ALK: variants seen among roughly 807,000 people sequenced by gnomAD.
ALK encodes the protein ALK tyrosine kinase receptor.
Under a neutral mutation model 163.1 loss-of-function variants are expected in ALK, and 74 were observed. The observed-to-expected ratio is 0.45, with a 90% CI of 0.38 to 0.55. The LOEUF (loss-of-function observed/expected upper bound fraction) is 0.55, where lower values mean the gene tolerates loss of function less well. ALK is among the 20% of genes least tolerant of loss of function. ALK has a pLI of 0.00. For missense variants in ALK, 2,063 were observed against 2,105.3 expected, an observed-to-expected ratio of 0.98 and a Z score of 0.39; for synonymous variants, 960 against 843.2, an observed-to-expected ratio of 1.14 and a Z score of -2.40.
chr2:29,702,626 C>G (rs1431067474), intron 2 of ALK, among the ~76,000 whole-genome samples: 2 of 152,132 alleles, frequency 1.3e-5, no homozygotes, highest in African/African-American at 4.8e-5. Flanking sequence ...AAAGACATAC[C>G]AAGACTGGGT....
chr2:29,441,935 G>A (rs577625291), intron 4 of ALK, among the ~76,000 whole-genome samples: 26 of 152,198 alleles, frequency 1.7e-4, no homozygotes, highest in Non-Finnish European at 3.2e-4. Flanking sequence ...TTTCAGTTAT[G>A]TTGTCTTGTA....
intron 26 of ALK, among the ~76,000 whole-genome samples, chr2:29,200,534 C>G (rs181118083): frequency 3.3e-5 from 5 of 151,780 alleles, no homozygotes. Context: ...TACTAAAAAA[C>G]TATTTGCTGT....
intron 4 of ALK, among the ~76,000 whole-genome samples, chr2:29,397,536 A>G (rs1335587708): frequency 6.6e-6 from 1 of 152,236 alleles, no homozygotes; most frequent in Non-Finnish European, 1.5e-5. Context: ...CAGGTCGATC[A>G]TTCAAAACCA....
chr2:29,568,704 G>C (rs925685102), intron 3 of ALK, among the ~76,000 whole-genome samples: 10 of 152,070 alleles, frequency 6.6e-5, no homozygotes, highest in Admixed American at 5.2e-4. Flanking sequence ...GGTTCGGTTA[G>C]CAGAGGTGGT....
chr2:29,586,311 A>G (rs1674886510), intron 3 of ALK, among the ~76,000 whole-genome samples: 1 of 151,966 alleles, frequency 6.6e-6, no homozygotes, highest in Admixed American at 6.6e-5. Context: ...GTATTTATGG[A>G]AAATATGCTT....
chr2:29,293,651 T>C (rs1666099841), intron 9 of ALK, among the ~76,000 whole-genome samples: 2 of 152,122 alleles, frequency 1.3e-5, no homozygotes, highest in Non-Finnish European at 2.9e-5. Flanking sequence ...GAAGTAAGAA[T>C]GTAGCATGGT....
rs971311424 is a variant in ALK at position 29,225,583 on chromosome 2, C to G, written c.3068-18G>C. 1 of 1,599,374 alleles carries G rather than the reference C, an allele frequency of 6.3e-7. No homozygotes were observed. Among genetic ancestry groups the G allele is most frequent in the Non-Finnish European group, 8.5e-7 (1 of 1,172,312 alleles). On this transcript the variant is annotated intron_variant, in intron 18 of 28. Coordinates refer to ENST00000389048, the MANE Select transcript of ALK (RefSeq NM_004304.5). ...GGGTGACACTGGAAGACAGGTCCCACTGGGGTATTGACAACCACACCAGGT... is the reference window on the plus strand; with the variant it reads ...GGGTGACACTGGAAGACAGGTCCCAGTGGGGTATTGACAACCACACCAGGT...
chr2:29,669,506 G>C (rs1408360344), intron 3 of ALK, among the ~76,000 whole-genome samples: 1 of 152,082 alleles, frequency 6.6e-6, no homozygotes, highest in East Asian at 1.9e-4. Context: ...GTGAAGTGGG[G>C]TTCTTGAAGG....
intron 1 of ALK, among the ~76,000 whole-genome samples, chr2:29,845,906 G>T (rs1665829809): frequency 1.3e-5 from 2 of 152,208 alleles, no homozygotes; most frequent in African/African-American, 4.8e-5. Context: ...TCCAGTTCAT[G>T]CCAGGGTTCT....
At chr2:29,197,758 C>T (rs1332149033) in intron 26 of ALK, 82 bp from the exon 27 acceptor site, 2 of 1,206,842 alleles carry the variant, frequency 1.7e-6, no homozygotes, top group Non-Finnish European at 2.5e-6. Context: ...CACAGACATA[C>T]AATTTCAACC....
chr2:29,890,583 T>A (rs1667117264), intron 1 of ALK: 2 of 152,244 alleles, frequency 1.3e-5, no homozygotes, highest in South Asian at 4.1e-4. Flanking sequence ...AACATTGTCA[T>A]CTATTTGAAT....
intron 3 of ALK, among the ~76,000 whole-genome samples, chr2:29,602,542 G>C (rs1675408904): frequency 6.6e-6 from 1 of 152,132 alleles, no homozygotes; most frequent in African/African-American, 2.4e-5. Context: ...GATGTGTCTA[G>C]CATTACCTAA....
Position 29,228,985 on chromosome 2 carries a change from G to A in ALK, c.2714C>T (p.Ser905Phe). Residue 905 changes from serine to phenylalanine, a missense_variant, in exon 16 of 29, where the codon TCC (serine) becomes TTC (phenylalanine). Around this residue, in one of 5 missense-constraint regions of ALK, gnomAD observed 575 missense variants for 626.6 expected, o/e 0.92. Transcript: ENST00000389048. ...SLQEGATGGH[S>F]CPQAMKKWGW... ...CCACTTCTTCATGGCCTGGGGGCAG[G>A]AATGTCCTCCGGTGGCACCCTCCTG... 1 of 1,611,068 alleles carries A rather than the reference G, an allele frequency of 6.2e-7. No individual in the cohort carries two copies. The highest frequency in any genetic ancestry group is 8.5e-7 in the Non-Finnish European group (1 of 1,178,616).
intron 1 of ALK, among the ~76,000 whole-genome samples, chr2:29,743,461 T>C (rs1369793544): frequency 6.6e-6 from 1 of 152,070 alleles, no homozygotes; most frequent in Admixed American, 6.5e-5. Flanking sequence ...GCAACAGACT[T>C]CAAAAGAAAA....
At chr2:29,554,653 T>G (rs1317872459) in intron 3 of ALK, among the ~76,000 whole-genome samples, 2 of 152,206 alleles carry the variant, frequency 1.3e-5, no homozygotes, top group South Asian at 4.2e-4. Context: ...TTTGAATACC[T>G]GCTACTGTCA....
intron 4 of ALK, among the ~76,000 whole-genome samples, chr2:29,504,393 T>G (rs1401124413): frequency 6.6e-6 from 1 of 152,200 alleles, no homozygotes; most frequent in Non-Finnish European, 1.5e-5. Flanking sequence ...TAACTTGATC[T>G]ACATTTTTGA....
chr2:29,567,242 C>T (rs774256638), intron 3 of ALK, among the ~76,000 whole-genome samples: 66 of 152,134 alleles, frequency 4.3e-4, no homozygotes, highest in Non-Finnish European at 7.2e-4. Context: ...ATTCTTGCAG[C>T]ATTTAGGATT....
rs1365620880 is a variant in ALK at position 29,920,452 on chromosome 2, C to T, written c.208G>A (p.Asp70Asn). The T allele has an allele frequency of 1.2e-6, 2 of 1,611,170 alleles. No individual in the cohort carries two copies. Among genetic ancestry groups the T allele is most frequent in the East Asian group, 2.2e-5 (1 of 44,760 alleles). ...VPSLFRVYAR[D>N]LLLPPSSSEL... ...GAGGAGGATGGTGGCAGCAGTAGGT[C>T]CCGGGCGTAGACACGGAAGAGCGAG... Residue 70 changes from aspartate to asparagine, a missense_variant, in exon 1 of 29, where the codon GAC (aspartate) becomes AAC (asparagine). Around this residue, in one of 5 missense-constraint regions of ALK, gnomAD observed 987 missense variants for 939.5 expected, o/e 1.05. Transcript: ENST00000389048.
chr2:29,694,712 G>T, intron 3 of ALK, 138 bp downstream of exon 3: 1 of 1,168,988 alleles, frequency 8.6e-7, no homozygotes, highest in Non-Finnish European at 1.3e-6. Context: ...AAGAAGCCAT[G>T]GAAAGTCACA....
Sources: gnomAD v4.1 joint callset for allele counts (sites outside exome capture counted in the v4.1 genomes callset) on GRCh38, gnomAD v4.1.1 for gene constraint, gnomAD v4.1.1 regional missense constraint, MANE v1.5 for transcripts, NCBI Gene and HGNC (gene_info 2026-07-23, HGNC 2026-07-21) for gene names.